The following TRMT9B variants were observed in gnomAD, a reference collection of about 807,000 sequenced individuals.
The protein encoded by TRMT9B is probable tRNA methyltransferase 9B.
A neutral mutation model predicts 11.5 loss-of-function variants in TRMT9B; 16 were observed. That is an observed-to-expected ratio of 1.39 (90% confidence interval 0.94 to 2.11). The LOEUF is 2.11. Among genes scored for constraint, TRMT9B ranks in the 30% most tolerant of loss-of-function variants. The pLI, the probability that TRMT9B is intolerant of heterozygous loss-of-function variation, is 0.00. For missense variants in TRMT9B, 941 were observed against 553.8 expected (o/e 1.70, Z -7.02); for synonymous variants, 274 against 192.4 (o/e 1.42, Z -3.51).
At chr8:12,977,681 C>A (rs1804677893) in intron 1 of TRMT9B, among the ~76,000 whole-genome samples, 1 of 151,896 alleles carries the variant, frequency 6.6e-6, no homozygotes, top group African/African-American at 2.4e-5. Flanking sequence ...AGCCTTGTGA[C>A]AGAGCAAGAC....
At chr8:13,010,660 A>G (rs1169344235) in intron 3 of TRMT9B, 6 of 984,840 alleles carry the variant, frequency 6.1e-6, no homozygotes, top group Non-Finnish European at 7.2e-6. Flanking sequence ...GGCCCTCCTC[A>G]TTCTAAAGAT....
At chr8:13,010,355 G>C (rs1811367630) in intron 3 of TRMT9B, 2 of 975,242 alleles carry the variant, frequency 2.1e-6, no homozygotes, top group Non-Finnish European at 2.4e-6. Context: ...AAATGAAAAA[G>C]AAAGAAGTTC....
intron 1 of TRMT9B, among the ~76,000 whole-genome samples, chr8:12,954,424 A>G (rs1801035795): frequency 6.6e-6 from 1 of 151,262 alleles, no homozygotes; most frequent in Non-Finnish European, 1.5e-5. Context: ...ATACAGGCTC[A>G]TAATATTGAG....
In TRMT9B at chr8:13,023,726, C is replaced by G. The variant is rs889392066; in HGVS notation, c.*1682C>G. The G allele has an allele frequency of 1.2e-5, 2 of 166,828 alleles. No individual in the cohort carries two copies. The highest frequency in any genetic ancestry group is 2.9e-5 in the Non-Finnish European group (2 of 68,098). 10.3% of individuals were successfully genotyped at this position (166,828 alleles called of 1,614,324 possible). On this transcript the variant is annotated 3_prime_UTR_variant, in exon 5 of 5. Transcript: ENST00000524591. ...GTTTTATTTTTTCCACTAAAAGTGA[C>G]TAAAATAATAACGAATTTCATTTGT...
At chr8:12,971,088 A>G (rs1338733140) in intron 1 of TRMT9B, among the ~76,000 whole-genome samples, 2 of 152,208 alleles carry the variant, frequency 1.3e-5, no homozygotes, top group Non-Finnish European at 2.9e-5. Context: ...TAATTTGCAT[A>G]CCGTCACCTC....
chr8:12,990,067 G>A (rs553151683), intron 1 of TRMT9B, among the ~76,000 whole-genome samples: 64 of 152,142 alleles, frequency 4.2e-4, no homozygotes, highest in Admixed American at 1.5e-3. Context: ...AAACCCACAC[G>A]CACCCTGCCA....
chr8:13,020,953 G>C, intron 4 of TRMT9B, 55 bp from the exon 5 acceptor site: 1 of 1,190,124 alleles, frequency 8.4e-7, no homozygotes, highest in Non-Finnish European at 1.2e-6. Flanking sequence ...CAGTGTATAC[G>C]TGTGTGGGTT....
intron 1 of TRMT9B, among the ~76,000 whole-genome samples, chr8:12,960,985 A>G (rs1802025106): frequency 1.3e-5 from 2 of 152,098 alleles, no homozygotes; most frequent in South Asian, 4.2e-4. Flanking sequence ...TACTAAAAAT[A>G]CAAAAATTAG....
At chr8:13,004,509 T>A (rs1442526915) in intron 2 of TRMT9B, among the ~76,000 whole-genome samples, 1 of 151,874 alleles carries the variant, frequency 6.6e-6, no homozygotes, top group Non-Finnish European at 1.5e-5. Context: ...GGCAGAGTCC[T>A]GAGGCCGTCT....
At chr8:12,991,052 C>T in intron 2 of TRMT9B, 21 bp downstream of exon 2, 1 of 1,160,798 alleles carries the variant, frequency 8.6e-7, no homozygotes, top group Non-Finnish European at 1.1e-6. Flanking sequence ...TTCAGCGCTT[C>T]TGCAACTCAC....
In TRMT9B at chr8:13,021,479, GAGTA is replaced by G; in HGVS notation, c.803_806del (p.Val268AspfsTer3). On this transcript the variant is annotated frameshift_variant, in exon 5 of 5. Transcript: ENST00000524591. LOFTEE classifies it low-confidence loss of function (END_TRUNC). Reference sequence around the variant, plus strand: ...TCGACTCTGAGGAAGCAAATTGAAAGAGTAAGACCCTTGAAAAACACAGAAGTTT... The same window carrying G: ...TCGACTCTGAGGAAGCAAATTGAAAGAGACCCTTGAAAAACACAGAAGTTT... The G allele has an allele frequency of 6.2e-7, 1 of 1,613,896 alleles. No individual in the cohort carries two copies. Among genetic ancestry groups the G allele is most frequent in the South Asian group, 1.1e-5 (1 of 91,082 alleles).
At chr8:12,992,052 T>A (rs999413092) in intron 2 of TRMT9B, among the ~76,000 whole-genome samples, 1 of 152,200 alleles carries the variant, frequency 6.6e-6, no homozygotes, top group Non-Finnish European at 1.5e-5. Flanking sequence ...TCTTTAGGAT[T>A]TATAACCAAA....
intron 4 of TRMT9B, among the ~76,000 whole-genome samples, chr8:13,013,467 C>G (rs1041942632): frequency 2.0e-5 from 3 of 151,956 alleles, no homozygotes; most frequent in African/African-American, 4.8e-5. Context: ...AACACACATG[C>G]CAAAAAATGG....
intron 1 of TRMT9B, among the ~76,000 whole-genome samples, chr8:12,981,043 A>G (rs1202905143): frequency 6.7e-6 from 1 of 149,118 alleles, no homozygotes; most frequent in Admixed American, 6.7e-5. Context: ...CGAAGTCACT[A>G]TGCGGATTCC....
intron 1 of TRMT9B, among the ~76,000 whole-genome samples, chr8:12,989,210 C>T (rs1806885376): frequency 6.6e-6 from 1 of 152,040 alleles, no homozygotes; most frequent in Non-Finnish European, 1.5e-5. Context: ...AAGATGGCCT[C>T]CTGTTTAGTC....
intron 1 of TRMT9B, among the ~76,000 whole-genome samples, chr8:12,962,795 T>G (rs1275998089): frequency 6.6e-6 from 1 of 152,076 alleles, no homozygotes; most frequent in Non-Finnish European, 1.5e-5. Context: ...CTGGCCAGAT[T>G]GATGGTTTTA....
chr8:13,013,641 C>T (rs1240351352), intron 4 of TRMT9B, among the ~76,000 whole-genome samples: 1 of 152,078 alleles, frequency 6.6e-6, no homozygotes, highest in Non-Finnish European at 1.5e-5. Flanking sequence ...AATTACTTGT[C>T]CCAATACACT....
At chr8:13,009,260 G>T (rs1409871560) in intron 3 of TRMT9B, among the ~76,000 whole-genome samples, 1 of 152,100 alleles carries the variant, frequency 6.6e-6, no homozygotes, top group Non-Finnish European at 1.5e-5. Context: ...TGTCGAAGCG[G>T]GTGGGGTAGG....
intron 1 of TRMT9B, among the ~76,000 whole-genome samples, chr8:12,959,033 GTA>G (rs1801689010): frequency 6.6e-6 from 1 of 152,106 alleles, no homozygotes; most frequent in Non-Finnish European, 1.5e-5. Context: ...CATGGCACAT[GTA>G]TACCTATGTA....
Sources: allele counts gnomAD v4.1 joint callset (sites outside exome capture counted in the v4.1 genomes callset), GRCh38; gene constraint gnomAD v4.1.1; transcripts MANE v1.5; gene names NCBI Gene and HGNC (gene_info 2026-07-23, HGNC 2026-07-21).